The following IL1R1 variants were observed in gnomAD, a reference collection of about 807,000 sequenced individuals.
The protein encoded by IL1R1 is interleukin 1 receptor type 1, also known as interleukin-1 receptor type 1.
A neutral mutation model predicts 50.2 loss-of-function variants in IL1R1; 22 were observed. That is an observed-to-expected ratio of 0.44 (90% CI 0.31 to 0.63). The LOEUF (loss-of-function observed/expected upper bound fraction) is 0.63. IL1R1 is among the 20% of genes least tolerant of loss of function. IL1R1 has a pLI of 0.07. For missense variants in IL1R1, 509 were observed against 676.2 expected, an observed-to-expected ratio of 0.75 and a Z score of 2.74; for synonymous variants, 251 against 236.7, an observed-to-expected ratio of 1.06 and a Z score of -0.55.
At chr2:102,083,319 T>C (rs1189464841) in intron 1 of IL1R1, among the ~76,000 whole-genome samples, 1 of 152,230 alleles carries the variant, frequency 6.6e-6, no homozygotes, top group Non-Finnish European at 1.5e-5. Flanking sequence ...GTACTGACAG[T>C]GTCTAGAATA....
chr2:102,082,109 C>T (rs186040049), intron 1 of IL1R1, among the ~76,000 whole-genome samples: 1 of 152,290 alleles, frequency 6.6e-6, no homozygotes, highest in Admixed American at 6.5e-5. Context: ...TTCATTTCCT[C>T]GTCCTCCCTT....
intron 11 of IL1R1, chr2:102,175,984 T>C (rs887843600): frequency 8.4e-6 from 4 of 475,010 alleles, no homozygotes; most frequent in Non-Finnish European, 1.5e-5. Flanking sequence ...TTCTGAGTTC[T>C]AAATGAAATA....
At chr2:102,155,736 C>T (rs1406891053) in intron 2 of IL1R1, among the ~76,000 whole-genome samples, 1 of 152,164 alleles carries the variant, frequency 6.6e-6, no homozygotes, top group Non-Finnish European at 1.5e-5. Context: ...GGGGGCATAA[C>T]CCTTTGCCCT....
At chr2:102,080,064 T>C (rs899912842) in intron 1 of IL1R1, among the ~76,000 whole-genome samples, 2 of 152,130 alleles carry the variant, frequency 1.3e-5, no homozygotes, top group Non-Finnish European at 2.9e-5. Flanking sequence ...CTCTATCTCA[T>C]ACTGTACACA....
chr2:102,083,844 T>C (rs10193763), intron 1 of IL1R1, among the ~76,000 whole-genome samples: 1 of 151,840 alleles, frequency 6.6e-6, no homozygotes, highest in Non-Finnish European at 1.5e-5. Context: ...CTCAGGAGGC[T>C]GAGGCAGGAG....
At chr2:102,114,104 G>A (rs889518920) in intron 1 of IL1R1, among the ~76,000 whole-genome samples, 2 of 152,256 alleles carry the variant, frequency 1.3e-5, no homozygotes, top group Non-Finnish European at 1.5e-5. Context: ...ATGCCATTCA[G>A]GCTCTCTTCT....
chr2:102,073,441 G>T (rs965410339), intron 1 of IL1R1, among the ~76,000 whole-genome samples: 1 of 152,154 alleles, frequency 6.6e-6, no homozygotes, highest in Non-Finnish European at 1.5e-5. Flanking sequence ...TAGGAACAAA[G>T]ATTTAATCAT....
chr2:102,125,827 T>C (rs1477513340), intron 1 of IL1R1, among the ~76,000 whole-genome samples: 1 of 152,236 alleles, frequency 6.6e-6, no homozygotes, highest in Non-Finnish European at 1.5e-5. Flanking sequence ...AACAAAACTC[T>C]TTTGTGATGC....
Position 102,172,673 on chromosome 2 carries a change from T to C in IL1R1, c.840-14T>C, listed in dbSNP as rs1685793108. On this transcript the variant is annotated splice_polypyrimidine_tract_variant and intron_variant, in intron 8 of 11. Coordinates refer to ENST00000410023, the MANE Select transcript of IL1R1 (RefSeq NM_000877.4). ...TTAACTTACACAAGTTTATTTACTC[T>C]CTCTCTCGAATAGTGTGGAAAATCC... is the stretch of plus-strand genomic sequence containing the variant. 3 of 1,587,438 alleles carry C rather than the reference T, an allele frequency of 1.9e-6. No homozygotes were observed. The highest frequency in any genetic ancestry group is 2.6e-6 in the Non-Finnish European group (3 of 1,164,994).
chr2:102,078,374 G>C (rs959546511), intron 1 of IL1R1, among the ~76,000 whole-genome samples: 11 of 152,008 alleles, frequency 7.2e-5, no homozygotes, highest in African/African-American at 2.7e-4. Flanking sequence ...GAATTAAAGA[G>C]GGGACCTTAC....
Position 102,176,991 on chromosome 2 carries a change from T to C in IL1R1, c.*232T>C, listed in dbSNP as rs1455297322. Reference sequence around the variant, plus strand: ...TCTTTTAAAAAGGCAGTAGGCCCGGTGTGGTGGCTCACGCCTATAATCCCA... The same window carrying C: ...TCTTTTAAAAAGGCAGTAGGCCCGGCGTGGTGGCTCACGCCTATAATCCCA... On this transcript the variant is annotated 3_prime_UTR_variant, in exon 12 of 12. Coordinates refer to ENST00000410023, the MANE Select transcript of IL1R1 (RefSeq NM_000877.4). 2 of 495,590 alleles carry C rather than the reference T, an allele frequency of 4.0e-6. No individual in the cohort carries two copies. The highest frequency in any genetic ancestry group is 3.4e-5 in the Admixed American group (1 of 29,150). The allele number at this position is 495,590 out of a possible 1,614,324, so 30.7% of individuals were successfully genotyped here.
upstream of IL1R1, among the ~76,000 whole-genome samples, chr2:102,101,283 G>A (rs75058036): frequency 0.029 from 4,453 of 152,300 alleles, 90 homozygotes; most frequent in Non-Finnish European, 0.048. Flanking sequence ...CTGAGATCCA[G>A]TGAGATGAAG....
chr2:102,169,177 C>T (rs541790962), intron 7 of IL1R1, among the ~76,000 whole-genome samples: 1 of 152,218 alleles, frequency 6.6e-6, no homozygotes, highest in South Asian at 2.1e-4. Flanking sequence ...TTCTCATGAC[C>T]AGATCCAAGC....
At chr2:102,107,187 G>A (rs577973464) in intron 1 of IL1R1, among the ~76,000 whole-genome samples, 86 of 151,736 alleles carry the variant, frequency 5.7e-4, no homozygotes, top group African/African-American at 2.1e-3. Flanking sequence ...TACTCTGCAT[G>A]CACACGTATG....
chr2:102,148,641 A>C (rs1376692834), intron 1 of IL1R1, among the ~76,000 whole-genome samples: 1 of 152,188 alleles, frequency 6.6e-6, no homozygotes. Context: ...TTAGTAACCT[A>C]GGGAGATAGA....
chr2:102,138,253 C>T (rs566428733), upstream of IL1R1, among the ~76,000 whole-genome samples: 21 of 152,232 alleles, frequency 1.4e-4, no homozygotes, highest in Admixed American at 1.0e-3. Flanking sequence ...TTGGATGTCG[C>T]CAAGTCTATT....
intron 1 of IL1R1, among the ~76,000 whole-genome samples, chr2:102,143,452 TG>T (rs1485319990): frequency 6.6e-6 from 1 of 152,180 alleles, no homozygotes; most frequent in Non-Finnish European, 1.5e-5. Flanking sequence ...TAAAGGATGG[TG>T]CTAGGGAATG....
chr2:102,135,663 G>A (rs1299408870), intron 1 of IL1R1, among the ~76,000 whole-genome samples: 4 of 152,152 alleles, frequency 2.6e-5, no homozygotes, highest in Non-Finnish European at 5.9e-5. Context: ...AAAACGACCA[G>A]ATTGTCCATT....
intron 1 of IL1R1, among the ~76,000 whole-genome samples, chr2:102,107,251 A>G (rs1680468932): frequency 6.6e-6 from 1 of 152,108 alleles, no homozygotes; most frequent in Admixed American, 6.5e-5. Context: ...CCAAATGTCC[A>G]TCAGTGATAG....
Sources: allele counts gnomAD v4.1 joint callset (sites outside exome capture counted in the v4.1 genomes callset), GRCh38; gene constraint gnomAD v4.1.1; transcripts MANE v1.5; gene names NCBI Gene and HGNC (gene_info 2026-07-23, HGNC 2026-07-21).